The following HAUS1 variants were observed in gnomAD, a reference collection of about 807,000 sequenced individuals.
The protein encoded by HAUS1 is HAUS augmin-like complex subunit 1.
HAUS1 carries 25 observed loss-of-function variants against 38.6 expected under a neutral mutation model. The ratio of observed to expected loss-of-function variants is 0.65; its 90% CI spans 0.47 to 0.91. The LOEUF (loss-of-function observed/expected upper bound fraction) is 0.91, where lower values mean the gene tolerates loss of function less well. Ranked by LOEUF, HAUS1 falls within the 40% of genes least tolerant of loss-of-function variation. The probability of loss-of-function intolerance (pLI) is 0.00; values close to 1 mark genes in which losing one functional copy is unlikely to be tolerated. For missense variants in HAUS1, 325 were observed against 328.4 expected (o/e 0.99, Z 0.08); for synonymous variants, 109 against 112.9 (o/e 0.97, Z 0.22).
chr18:46,120,455 A>C (rs920570006), intron 4 of HAUS1, among the ~76,000 whole-genome samples: 2 of 151,880 alleles, frequency 1.3e-5, no homozygotes, highest in African/African-American at 2.4e-5. Flanking sequence ...GCTGGTCTCG[A>C]ACTCCCGACC....
chr18:46,112,335 TA>T (rs1911662575), intron 2 of HAUS1, among the ~76,000 whole-genome samples: 3 of 131,624 alleles, frequency 2.3e-5, no homozygotes, highest in Non-Finnish European at 4.6e-5. Context: ...AATGTGTATA[TA>T]TATTCCATAT....
intron 4 of HAUS1, among the ~76,000 whole-genome samples, 198 bp downstream of exon 4, chr18:46,120,258 G>A (rs1480838823): frequency 3.3e-5 from 5 of 149,928 alleles, no homozygotes; most frequent in South Asian, 2.1e-4. Flanking sequence ...TTTTTGAAAC[G>A]GAGTCTCACT....
At chr18:46,126,024 C>T in intron 8 of HAUS1, 1 of 299,304 alleles carries the variant, frequency 3.3e-6, no homozygotes, top group East Asian at 6.4e-5. Context: ...CACCTGTAAT[C>T]CCAGCACTTT....
Position 46,105,188 on chromosome 18 carries a change from G to C in HAUS1, c.31-6G>C, listed in dbSNP as rs1455360472. 1 of 1,599,182 alleles carries C rather than the reference G, an allele frequency of 6.3e-7. No homozygotes were observed. Among genetic ancestry groups the C allele is most frequent in the Admixed American group, 1.7e-5 (1 of 59,414 alleles). ...TTATAATATTTGTCTTTCTTTTAAT[G>C]GTTAGGTTGCTGCGTGGTTAAAAAA... On this transcript the variant is annotated splice_polypyrimidine_tract_variant and splice_region_variant and intron_variant, in intron 1 of 8. Coordinates refer to ENST00000282058, the MANE Select transcript of HAUS1 (RefSeq NM_138443.4).
At chr18:46,114,400 A>G (rs1198150074) in intron 2 of HAUS1, among the ~76,000 whole-genome samples, 1 of 152,168 alleles carries the variant, frequency 6.6e-6, no homozygotes, top group Admixed American at 6.6e-5. Flanking sequence ...GTAGGTAGGG[A>G]AAATGTCAAG....
intron 2 of HAUS1, 54 bp downstream of exon 2, chr18:46,105,422 A>C (rs774108333): frequency 6.8e-7 from 1 of 1,463,582 alleles, no homozygotes; most frequent in Non-Finnish European, 9.4e-7. Context: ...ACCAAATTTT[A>C]TAACACTAAA....
chr18:46,116,141 GGAAA>G (rs1335848190), intron 2 of HAUS1, among the ~76,000 whole-genome samples: 7 of 151,582 alleles, frequency 4.6e-5, no homozygotes, highest in Non-Finnish European at 7.4e-5. Flanking sequence ...GGGGGAAAAA[GGAAA>G]GAAAGAAAGG....
intron 1 of HAUS1, among the ~76,000 whole-genome samples, chr18:46,104,701 G>C (rs576138392): frequency 6.6e-6 from 1 of 152,084 alleles, no homozygotes. Context: ...CACAGACTCT[G>C]GAGTGGGACT....
Position 46,123,344 on chromosome 18 carries a change from T to C in HAUS1, c.646T>C (p.Ser216Pro). The C allele has an allele frequency of 6.2e-7, 1 of 1,611,594 alleles. No homozygotes were observed. The highest frequency in any genetic ancestry group is 8.5e-7 in the Non-Finnish European group (1 of 1,178,252). ...RGMDASLSHQSLVALSEKLAR... is the reference protein window; with the variant it reads ...RGMDASLSHQPLVALSEKLAR... ...CATGGATGCTTCTCTGTCTCATCAG[T>C]CCTTAGTAGCACTATCAGAGGTGAG... Residue 216 changes from serine to proline, a missense_variant, in exon 6 of 9, where the codon TCC becomes CCC. Ser to Pro is a moderately conservative substitution (Grantham distance 74, BLOSUM62 -1). Transcript: ENST00000282058.
intron 2 of HAUS1, among the ~76,000 whole-genome samples, chr18:46,112,217 C>T (rs1911653389): frequency 7.0e-6 from 1 of 143,336 alleles, no homozygotes; most frequent in African/African-American, 2.5e-5. Flanking sequence ...TTTCTCTGTT[C>T]TTTGGCTTCC....
chr18:46,113,062 A>AATATATATATTCC (rs1568263738), intron 2 of HAUS1, among the ~76,000 whole-genome samples: 5 of 133,904 alleles, frequency 3.7e-5, no homozygotes, highest in Non-Finnish European at 7.7e-5. Context: ...TTATATATAT[A>AATATATATATTCC]ATATATATAT....
chr18:46,104,386 C>T lies in HAUS1; in HGVS notation c.-26C>T, dbSNP rs2144237936. ...GGGGCGCATCTCCCGCTAGGAGTTC[C>T]TAGTAAAGTGGCGGGAGCCGCAGCT... On this transcript the variant is annotated 5_prime_UTR_variant, in exon 1 of 9. Transcript: ENST00000282058. 1.4e-6 allele frequency: 2 copies of T among 1,458,638 alleles called. No individual in the cohort carries two copies. Among genetic ancestry groups the T allele is most frequent in the East Asian group, 5.8e-5 (2 of 34,716 alleles). 90.4% of individuals were successfully genotyped at this position (1,458,638 alleles called of 1,614,324 possible).
chr18:46,111,448 A>C (rs1911631630), intron 2 of HAUS1, among the ~76,000 whole-genome samples: 1 of 152,018 alleles, frequency 6.6e-6, no homozygotes, highest in African/African-American at 2.4e-5. Flanking sequence ...CAGCCTCCTG[A>C]GTAGCTGGAC....
intron 2 of HAUS1, 128 bp from the exon 3 acceptor site, chr18:46,118,053 A>G: frequency 3.7e-6 from 3 of 805,592 alleles, no homozygotes; most frequent in South Asian, 1.7e-5. Flanking sequence ...GGATACAACT[A>G]AAAGCCACTG....
intron 2 of HAUS1, 101 bp downstream of exon 2, chr18:46,105,469 G>T: frequency 1.0e-6 from 1 of 1,000,180 alleles, no homozygotes; most frequent in Non-Finnish European, 1.4e-6. Flanking sequence ...TACTTGTTTT[G>T]CTCCTTTATT....
chr18:46,123,667 C>T (rs1912014392), intron 6 of HAUS1, among the ~76,000 whole-genome samples: 1 of 152,104 alleles, frequency 6.6e-6, no homozygotes, highest in Non-Finnish European at 1.5e-5. Flanking sequence ...TAGGTGCTCC[C>T]CTTTCTTCTC....
At chr18:46,112,033 G>T (rs1395985372) in intron 2 of HAUS1, among the ~76,000 whole-genome samples, 2 of 149,512 alleles carry the variant, frequency 1.3e-5, no homozygotes, top group Admixed American at 6.7e-5. Context: ...TTATAGGCAT[G>T]CACCACCACA....
At chr18:46,125,851 C>A in intron 8 of HAUS1, 60 bp downstream of exon 8, 1 of 1,027,510 alleles carries the variant, frequency 9.7e-7, no homozygotes, top group Non-Finnish European at 1.5e-6. Context: ...GCTAATATAG[C>A]TAAAGTCTTC....
Position 46,105,310 on chromosome 18 carries a change from G to T in HAUS1, c.147G>T (p.Arg49Ser). Residue 49 changes from arginine (R) to serine (S), a missense_variant, in exon 2 of 9, where the codon AGG becomes AGT. Transcript: ENST00000282058. ...CAGAACGCAACAGGGTCCGGGACAG[G>T]GATGTCTACCTGGTAATAGAGGACT... ...HLSERNRVRDRDVYLVIEDLK... is the reference protein window; with the variant it reads ...HLSERNRVRDSDVYLVIEDLK... The T allele has an allele frequency of 2.5e-6, 4 of 1,613,574 alleles. No homozygotes were observed. Among genetic ancestry groups the T allele is most frequent in the Non-Finnish European group, 3.4e-6 (4 of 1,179,702 alleles).
Sources: gnomAD v4.1 joint callset for allele counts (sites outside exome capture counted in the v4.1 genomes callset) on GRCh38, gnomAD v4.1.1 for gene constraint, MANE v1.5 for transcripts, NCBI Gene and HGNC (gene_info 2026-07-23, HGNC 2026-07-21) for gene names.